TRMT11: variants seen among roughly 807,000 people sequenced by gnomAD.
TRMT11 encodes the protein tRNA (guanine(10)-N(2))-methyltransferase TRMT11.
In TRMT11, 53 loss-of-function variants were observed where a neutral mutation model predicts 62.8. That is an observed-to-expected ratio of 0.84 (90% CI 0.68 to 1.06). The LOEUF is 1.06. Ranked by LOEUF, TRMT11 falls within the 50% of genes least tolerant of loss-of-function variation. TRMT11 has a pLI of 0.00. For synonymous variants in TRMT11, 188 were observed against 190.3 expected, an observed-to-expected ratio of 0.99 and a Z score of 0.10; for missense variants, 556 against 553.4, an observed-to-expected ratio of 1.00 and a Z score of -0.05.
chr6:125,990,267 C>T (rs778839775), intron 1 of TRMT11, among the ~76,000 whole-genome samples: 20 of 152,078 alleles, frequency 1.3e-4, no homozygotes, highest in Non-Finnish European at 2.4e-4. Context: ...GGATGATGTA[C>T]ATCCTCTTCA....
intron 21 of TRMT11, among the ~76,000 whole-genome samples, chr6:126,142,252 T>C (rs1246709903): frequency 1.3e-5 from 2 of 152,036 alleles, no homozygotes; most frequent in Non-Finnish European, 2.9e-5. Context: ...GAAAGTCATA[T>C]TTGCATTGCT....
chr6:126,151,863 T>TTTCTTTCC (rs1323998793), intron 21 of TRMT11, among the ~76,000 whole-genome samples: 4 of 126,420 alleles, frequency 3.2e-5, no homozygotes, highest in East Asian at 4.2e-4. Flanking sequence ...TCTTTCTTTC[T>TTTCTTTCC]TTCCTTCTTT....
chr6:126,217,209 C>A, the TRMT11 span, among the ~76,000 whole-genome samples: 54 of 152,348 alleles, frequency 3.5e-4, no homozygotes, highest in African/African-American at 1.0e-3. Flanking sequence ...TCACCTATGA[C>A]TGTCTCTCCA....
At chr6:125,990,647 G>T (rs1253820977) in intron 1 of TRMT11, among the ~76,000 whole-genome samples, 1 of 152,166 alleles carries the variant, frequency 6.6e-6, no homozygotes, top group African/African-American at 2.4e-5. Context: ...TTTTCAGCAA[G>T]AAGCTTAATC....
chr6:126,076,370 ATG>A (rs1159651579), intron 17 of TRMT11, among the ~76,000 whole-genome samples: 3 of 152,184 alleles, frequency 2.0e-5, no homozygotes, highest in African/African-American at 7.2e-5. Context: ...CCATCAGTGA[ATG>A]TGTCCTTTGG....
chr6:126,258,082 T>C, the TRMT11 span: 1 of 1,076,302 alleles, frequency 9.3e-7, no homozygotes, highest in Non-Finnish European at 1.4e-6. Context: ...TCCACGTCAA[T>C]CTCCAGTTCT....
At chr6:125,996,730 C>T (rs1791580425) in intron 3 of TRMT11, among the ~76,000 whole-genome samples, 1 of 152,138 alleles carries the variant, frequency 6.6e-6, no homozygotes, top group South Asian at 2.1e-4. Context: ...AACATTTTGG[C>T]AGATTGCTGA....
the TRMT11 span, among the ~76,000 whole-genome samples, chr6:126,243,025 T>C: frequency 6.6e-6 from 1 of 152,084 alleles, no homozygotes; most frequent in Admixed American, 6.6e-5. Context: ...AAATTTTTGC[T>C]ATCTACTCAT....
chr6:126,174,108 T>C (rs1281540742), upstream of TRMT11, among the ~76,000 whole-genome samples: 3 of 152,182 alleles, frequency 2.0e-5, no homozygotes, highest in Non-Finnish European at 4.4e-5. Flanking sequence ...ACATGTTCCT[T>C]CCTCACCTTT....
chr6:126,133,712 A>G (rs1244196783), intron 21 of TRMT11, among the ~76,000 whole-genome samples: 2 of 151,984 alleles, frequency 1.3e-5, no homozygotes, highest in Non-Finnish European at 2.9e-5. Context: ...GAAAATCAAC[A>G]TATGCTTTAG....
At chr6:126,220,756 AT>A in the TRMT11 span, among the ~76,000 whole-genome samples, 10,697 of 147,040 alleles carry the variant, frequency 0.073, 1,186 homozygotes, top group African/African-American at 0.24. Context: ...CTGGATGTCT[AT>A]TTTTTTTTTT....
chr6:126,212,885 A>T, the TRMT11 span, among the ~76,000 whole-genome samples: 3 of 152,090 alleles, frequency 2.0e-5, no homozygotes, highest in East Asian at 5.8e-4. Context: ...CATTTTAAAA[A>T]TTAGTTTCAT....
At chr6:126,100,797 T>C (rs1777390381) in intron 17 of TRMT11, among the ~76,000 whole-genome samples, 2 of 152,226 alleles carry the variant, frequency 1.3e-5, no homozygotes, top group Non-Finnish European at 2.9e-5. Context: ...TACATTGTAA[T>C]ATATAATGAA....
intron 17 of TRMT11, among the ~76,000 whole-genome samples, chr6:126,090,792 G>A (rs1777265205): frequency 6.6e-6 from 1 of 152,100 alleles, no homozygotes; most frequent in Admixed American, 6.6e-5. Context: ...CCATACACGT[G>A]CGGTATGGGT....
the TRMT11 span, among the ~76,000 whole-genome samples, chr6:126,223,467 A>C: frequency 6.7e-6 from 1 of 149,882 alleles, no homozygotes. Flanking sequence ...ACAAAACAAA[A>C]AGAAGGCTGA....
intron 1 of TRMT11, among the ~76,000 whole-genome samples, chr6:126,186,048 A>T (rs1301634042): frequency 6.6e-6 from 1 of 152,172 alleles, no homozygotes. Context: ...CACCCTCCAT[A>T]ATGATATGTG....
chr6:126,061,948 T>C (rs1470689258), intron 17 of TRMT11, among the ~76,000 whole-genome samples: 1 of 152,220 alleles, frequency 6.6e-6, no homozygotes, highest in African/African-American at 2.4e-5. Context: ...AGTGGCACCA[T>C]CACAGCTCAC....
intron 21 of TRMT11, among the ~76,000 whole-genome samples, chr6:126,156,650 T>C (rs1778125273): frequency 6.6e-6 from 1 of 152,170 alleles, no homozygotes. Flanking sequence ...CAGCATCTGC[T>C]TCTGGTGAGG....
chr6:126,227,833 G>C, the TRMT11 span, among the ~76,000 whole-genome samples: 4 of 152,240 alleles, frequency 2.6e-5, no homozygotes, highest in Admixed American at 6.5e-5. Context: ...AGCCCCCTTG[G>C]AAATGAGGCC....
Sources: gnomAD v4.1 joint callset for allele counts (sites outside exome capture counted in the v4.1 genomes callset) on GRCh38, gnomAD v4.1.1 for gene constraint, MANE v1.5 for transcripts, NCBI Gene and HGNC (gene_info 2026-07-23, HGNC 2026-07-21) for gene names.